Variants in ITPR3 observed in about 807,000 individuals in gnomAD.
ITPR3 encodes the protein inositol 1,4,5-trisphosphate receptor type 3.
In ITPR3, 173 loss-of-function variants were observed where a neutral mutation model predicts 293.2. The observed-to-expected ratio is 0.59, with a 90% confidence interval of 0.52 to 0.67. The LOEUF (loss-of-function observed/expected upper bound fraction) is 0.67. Among genes scored for constraint, ITPR3 ranks in the 30% least tolerant of loss-of-function variants. The probability of loss-of-function intolerance (pLI) is 0.00; values close to 1 mark genes in which losing one functional copy is unlikely to be tolerated. For missense variants in ITPR3, 2,796 were observed against 3,592.1 expected, an observed-to-expected ratio of 0.78 and a Z score of 5.66; for synonymous variants, 1,295 against 1,444.4, an observed-to-expected ratio of 0.90 and a Z score of 2.35.
intron 1 of ITPR3, among the ~76,000 whole-genome samples, chr6:33,634,062 T>C (rs907081063): frequency 1.3e-5 from 2 of 152,158 alleles, no homozygotes; most frequent in African/African-American, 2.4e-5. Flanking sequence ...GCTTTCTTGC[T>C]TATCTGTTAA....
rs917756314 is a variant in ITPR3, at chr6:33,672,020, C to A, written c.2729-9C>A. The A allele has an allele frequency of 6.3e-7, 1 of 1,591,016 alleles. No individual in the cohort carries two copies. Among genetic ancestry groups the A allele is most frequent in the Non-Finnish European group, 8.6e-7 (1 of 1,166,822 alleles). Reference sequence around the variant, plus strand: ...TCCTTGGCAACCTCCTCTGCTTCCCCCTCCACAGGCAAGAATGTGCGGCGG... The same window carrying A: ...TCCTTGGCAACCTCCTCTGCTTCCCACTCCACAGGCAAGAATGTGCGGCGG... On this transcript the variant is annotated splice_polypyrimidine_tract_variant and intron_variant, in intron 21 of 57. Coordinates refer to ENST00000605930, the MANE Select transcript of ITPR3 (RefSeq NM_002224.4). This position sits in a 1 kb window ranked among gnomAD's most constrained non-coding sequence, Gnocchi z 5.0.
intron 3 of ITPR3, among the ~76,000 whole-genome samples, 166 bp from the exon 4 acceptor site, chr6:33,657,766 G>C (rs1028644969): frequency 1.3e-5 from 2 of 151,768 alleles, no homozygotes; most frequent in Non-Finnish European, 2.9e-5. Context: ...TCTGGGTGCA[G>C]CACCAAGAGC....
rs1272076867 is a variant in ITPR3 at position 33,654,025 on chromosome 6, T to C, written c.161-1741T>C. On this transcript the variant is annotated intron_variant, in intron 2 of 57. Transcript: ENST00000605930. This position sits in a 1 kb window ranked among gnomAD's most constrained non-coding sequence, Gnocchi z 4.1. ...GCTCACGCCTGTAATCCCAGCACTT[T>C]TGTAGGCCGAAGTGGGTGGATCACT... 7.9e-5 allele frequency among the ~76,000 whole-genome samples: 12 copies of C among 152,148 alleles called. No individual in the cohort carries two copies. Among genetic ancestry groups the C allele is most frequent in the Admixed American group, 7.9e-4 (12 of 15,286 alleles).
chr6:33,667,224 C>T lies in ITPR3; in HGVS notation c.1647C>T (p.Tyr549=), dbSNP rs370399528. The change falls in exon 15 of 58, where the codon TAC becomes TAT. Residue 549 remains tyrosine, a synonymous_variant. Coordinates refer to ENST00000605930, the MANE Select transcript of ITPR3 (RefSeq NM_002224.4). This position sits in a 1 kb window ranked among gnomAD's most constrained non-coding sequence, Gnocchi z 4.4. The stretch of plus-strand genomic sequence containing the variant: ...TGTCAGACCAGAAGAACGCCCCCTA[C>T]CAGCACATGTTCCGCCTGTGCTACC... The part of the protein sequence containing the change: ...EELSDQKNAP[Y]QHMFRLCYRV... The T allele has an allele frequency of 4.2e-5, 68 of 1,613,862 alleles. No homozygotes were observed. Among genetic ancestry groups the T allele is most frequent in the Non-Finnish European group, 5.6e-5 (66 of 1,180,014 alleles).
At chr6:33,650,048 A>C (rs1764152105) in intron 2 of ITPR3, among the ~76,000 whole-genome samples, 2 of 152,198 alleles carry the variant, frequency 1.3e-5, no homozygotes, top group Non-Finnish European at 2.9e-5. Flanking sequence ...CCCGGGACAC[A>C]CAATCCTTAC....
Position 33,655,812 on chromosome 6 carries a change from G to T in ITPR3, c.207G>T (p.Lys69Asn). The T allele has an allele frequency of 6.2e-7, 1 of 1,614,118 alleles. No homozygotes were observed. The highest frequency in any genetic ancestry group is 8.5e-7 in the Non-Finnish European group (1 of 1,180,018). Residue 69 changes from lysine to asparagine, a missense_variant, in exon 3 of 58, where the codon AAG becomes AAT. Coordinates refer to ENST00000605930, the MANE Select transcript of ITPR3 (RefSeq NM_002224.4). The surrounding 1 kb of genome is among the most constrained non-coding windows in gnomAD (Gnocchi z 4.9). ...CCATGAACCGCTACTCGGCCCAGAAGCAGTACTGGAAGGCCAAGCAGACTA... is the reference window on the plus strand; with the variant it reads ...CCATGAACCGCTACTCGGCCCAGAATCAGTACTGGAAGGCCAAGCAGACTA... Reference protein sequence around the residue: ...VCPMNRYSAQKQYWKAKQTKQ... With the variant: ...VCPMNRYSAQNQYWKAKQTKQ...
rs1319790259 is a variant in ITPR3 at position 33,685,742 on chromosome 6, G to A, written c.5582G>A (p.Ser1861Asn). The change falls in exon 41 of 58, where the codon AGT becomes AAT. Residue 1861 changes from serine to asparagine, a missense_variant. By Grantham distance (46) the Ser-to-Asn change is conservative. This residue lies in a region of ITPR3 where 704 missense variants were observed against 797.5 expected (regional missense o/e 0.88). Transcript: ENST00000605930. The stretch of plus-strand genomic sequence containing the variant: ...GAGGTGAGCGAACGTGTGCAGAGCA[G>A]TGAGATGGGCACATCCGTGCTCATC... ...GHEVSERVQS[S>N]EMGTSVLIMQ... 6.2e-7 allele frequency: 1 copy of A among 1,608,790 alleles called. No homozygotes were observed. The highest frequency in any genetic ancestry group is 1.3e-5 in the African/African-American group (1 of 74,842).
At position 33,677,555 on chromosome 6, in the gene ITPR3, A is replaced by C. The variant is rs2127295031; in HGVS notation, c.3574A>C (p.Lys1192Gln). The C allele has an allele frequency of 2.5e-6, 4 of 1,614,028 alleles. No individual in the cohort carries two copies. Among genetic ancestry groups the C allele is most frequent in the Non-Finnish European group, 3.4e-6 (4 of 1,179,962 alleles). The change falls in exon 28 of 58, where the codon AAG becomes CAG. Residue 1192 changes from lysine to glutamine, a missense_variant. Lys to Gln is a moderately conservative substitution (Grantham distance 53). Coordinates refer to ENST00000605930, the MANE Select transcript of ITPR3 (RefSeq NM_002224.4). ...CGGGGTTGGGGAGCAAATGAGGAAG[A>C]AGCAGCAACGGCTGCTGAAGAACAT... ...MCGVGEQMRK[K>Q]QQRLLKNMDA...
At chr6:33,663,406 C>G (rs938186521) in intron 9 of ITPR3, 94 bp from the exon 10 acceptor site, 1 of 1,317,910 alleles carries the variant, frequency 7.6e-7, no homozygotes, top group Admixed American at 2.0e-5. Flanking sequence ...CTGCCCAAAC[C>G]CAGGGCCCTA....
Position 33,691,664 on chromosome 6 carries a change from C to T in ITPR3, c.7275C>T (p.Cys2425=), listed in dbSNP as rs778830984. ...GAGCTGCTGCATTTGTGGACACCTG[C>T]AGTGGGGACAAGATGGACTGTGTCT... is the stretch of plus-strand genomic sequence containing the variant. ...PHGAAAFVDT[C]SGDKMDCVSG... Residue 2425 remains cysteine, a synonymous_variant, in exon 53 of 58, where the codon TGC becomes TGT. Coordinates refer to ENST00000605930, the MANE Select transcript of ITPR3 (RefSeq NM_002224.4). The surrounding 1 kb of genome is among the most constrained non-coding windows in gnomAD (Gnocchi z 4.9). The T allele has an allele frequency of 1.9e-6, 3 of 1,614,012 alleles. No homozygotes were observed. The highest frequency in any genetic ancestry group is 2.5e-6 in the Non-Finnish European group (3 of 1,179,990).
intron 55 of ITPR3, 41 bp from the exon 56 acceptor site, chr6:33,693,504 T>C (rs749062189): frequency 3.4e-5 from 55 of 1,606,980 alleles, no homozygotes; most frequent in South Asian, 1.1e-5. Context: ...GCAGTGGCTC[T>C]TGAAGGCTGA....
chr6:33,636,650 G>T (rs1483981624), intron 1 of ITPR3, among the ~76,000 whole-genome samples: 1 of 151,986 alleles, frequency 6.6e-6, no homozygotes, highest in East Asian at 1.9e-4. Flanking sequence ...ATGTTCCGGT[G>T]GGAGGCCAGG....
intron 24 of ITPR3, among the ~76,000 whole-genome samples, chr6:33,674,946 ATC>A (rs993507588): frequency 3.3e-5 from 5 of 152,220 alleles, no homozygotes; most frequent in African/African-American, 1.2e-4. Flanking sequence ...ATGTGAAAAC[ATC>A]TGTTATATTT....
rs1337256156 is a variant in ITPR3, at chr6:33,667,893, C to T, written c.1815C>T (p.Leu605=). 1.2e-6 allele frequency: 2 copies of T among 1,614,230 alleles called. No homozygotes were observed. The highest frequency in any genetic ancestry group is 1.7e-6 in the Non-Finnish European group (2 of 1,180,036). ...CCCTGCTGCACAACAACCGCAAGCTCCTGGAAAAGCACATCACCAAGACCG... is the reference window on the plus strand; with the variant it reads ...CCCTGCTGCACAACAACCGCAAGCTTCTGGAAAAGCACATCACCAAGACCG... ...ITALLHNNRK[L]LEKHITKTEV... Residue 605 remains leucine (L), a synonymous_variant, in exon 16 of 58, where the codon CTC becomes CTT. Coordinates refer to ENST00000605930, the MANE Select transcript of ITPR3 (RefSeq NM_002224.4). This position sits in a 1 kb window ranked among gnomAD's most constrained non-coding sequence, Gnocchi z 4.4.
At chr6:33,686,661 A>G (rs995641954) in intron 43 of ITPR3, 142 bp downstream of exon 43, 5 of 708,426 alleles carry the variant, frequency 7.1e-6, no homozygotes, top group Non-Finnish European at 1.0e-5. Context: ...TGGATGCACA[A>G]GTGTGTGGTG....
rs1251423584 is a variant in ITPR3 at position 33,687,473 on chromosome 6, CT to C, written c.6178-4del. The C allele has an allele frequency of 3.7e-6, 6 of 1,609,580 alleles. No homozygotes were observed. In the Admixed American group the frequency reaches 1.0e-4, roughly 27 times the overall value. On this transcript the variant is annotated splice_polypyrimidine_tract_variant and splice_region_variant and intron_variant, in intron 45 of 57. Coordinates refer to ENST00000605930, the MANE Select transcript of ITPR3 (RefSeq NM_002224.4). The surrounding 1 kb of genome is among the most constrained non-coding windows in gnomAD (Gnocchi z 5.3). ...CCCTGGTGACTGTGCTGCCATTTCC[CT>C]CAGCTCTCCAGGCACAATAAACAGC...
Position 33,683,458 on chromosome 6 carries a change from C to T in ITPR3, c.4788+61C>T, listed in dbSNP as rs1765136786. The T allele has an allele frequency of 7.4e-7, 1 of 1,358,548 alleles. No individual in the cohort carries two copies. Among genetic ancestry groups the T allele is most frequent in the Admixed American group, 2.8e-5 (1 of 36,308 alleles). 84.2% of individuals were successfully genotyped at this position (1,358,548 alleles called of 1,614,324 possible). On this transcript the variant is annotated intron_variant, in intron 35 of 57. Transcript: ENST00000605930. This position sits in a 1 kb window ranked among gnomAD's most constrained non-coding sequence, Gnocchi z 4.5. ...CTGCTTGGTTGAGTCAGCAGCTCCC[C>T]TACTTTGGAGGGGCAAGTTCTCGGG...
chr6:33,670,428 G>C lies in ITPR3; in HGVS notation c.2293G>C (p.Ala765Pro). The C allele has an allele frequency of 6.2e-7, 1 of 1,614,088 alleles. No homozygotes were observed. The highest frequency in any genetic ancestry group is 8.5e-7 in the Non-Finnish European group (1 of 1,180,040). Reference protein sequence around the residue: ...LGVDLIFLCMADEMLPFDLRA... With the variant: ...LGVDLIFLCMPDEMLPFDLRA... ...CGTGGACCTGATTTTCCTGTGCATG[G>C]CAGACGAGATGCTGCCCTTTGACCT... Residue 765 changes from alanine (A) to proline (P), a missense_variant, in exon 19 of 58, where the codon GCA becomes CCA. Ala to Pro is a conservative substitution (Grantham distance 27, BLOSUM62 -1). This residue lies in a region of ITPR3 where 955 missense variants were observed against 1,180.8 expected (regional missense o/e 0.81). Coordinates refer to ENST00000605930, the MANE Select transcript of ITPR3 (RefSeq NM_002224.4). The surrounding 1 kb of genome is among the most constrained non-coding windows in gnomAD (Gnocchi z 6.7).
rs917932098 is a variant in ITPR3, at chr6:33,657,940, G to A, written c.291G>A (p.Ala97=). Residue 97 remains alanine, a synonymous_variant, in exon 4 of 58, where the codon GCG becomes GCA. Transcript: ENST00000605930. ...TGTGTGTGTCTGTGCAGCATGCGGC[G>A]CAGATGGAGCAGAAGCAAAATGACA... ...VVLLQKLQHA[A]QMEQKQNDTE... 2.6e-5 allele frequency: 42 copies of A among 1,613,380 alleles called. No homozygotes were observed. Among genetic ancestry groups the A allele is most frequent in the African/African-American group, 4.0e-5 (3 of 74,846 alleles).
Sources: gnomAD v4.1 joint callset for allele counts (sites outside exome capture counted in the v4.1 genomes callset) on GRCh38, gnomAD v4.1.1 for gene constraint, gnomAD v4.1.1 regional missense constraint, Gnocchi (gnomAD v3.1) non-coding constraint, MANE v1.5 for transcripts, NCBI Gene and HGNC (gene_info 2026-07-23, HGNC 2026-07-21) for gene names.